Variants in TMC5 observed in about 807,000 individuals in gnomAD.
TMC5 encodes transmembrane channel like 5, also known as transmembrane channel-like protein 5.
Under a neutral mutation model 110.5 loss-of-function variants are expected in TMC5, and 86 were observed. That is an observed-to-expected ratio of 0.78 (90% confidence interval 0.65 to 0.93). The LOEUF is 0.93. Ranked by LOEUF, TMC5 falls within the 40% of genes least tolerant of loss-of-function variation. TMC5 has a pLI of 0.00. For synonymous variants in TMC5, 455 were observed against 439.5 expected (o/e 1.04, Z -0.44); for missense variants, 1,144 against 1,222.8 (o/e 0.94, Z 0.96).
chr16:19,479,465 G>T lies in TMC5; in HGVS notation c.2204G>T (p.Arg735Leu). ...WETLIGQDIY[R>L]LLLMDFVFSL... ...ACCCTCATTGGCCAGGACATCTACC[G>T]GCTCCTTCTGATGGATTTTGTGTTC... Residue 735 changes from arginine to leucine, a missense_variant, in exon 14 of 22, where the codon CGG becomes CTG. By Grantham distance (102) the Arg-to-Leu change is moderately radical (BLOSUM62 -2). Coordinates refer to ENST00000542583, the MANE Select transcript of TMC5 (RefSeq NM_001261841.2). 1 of 1,614,006 alleles carries T rather than the reference G, an allele frequency of 6.2e-7. No individual in the cohort carries two copies. Among genetic ancestry groups the T allele is most frequent in the Non-Finnish European group, 8.5e-7 (1 of 1,179,976 alleles).
At chr16:19,492,915 G>GATAGATAGATATATATATATATATATAT (rs58561457) in intron 19 of TMC5, among the ~76,000 whole-genome samples, 1 of 42,750 alleles carries the variant, frequency 2.3e-5, no homozygotes, top group African/African-American at 5.4e-5. Context: ...TTAAAACTTA[G>GATAGATAGATATATATATATATATATAT]ATATATATAT....
chr16:19,486,080 A>T (rs766098622), intron 15 of TMC5, among the ~76,000 whole-genome samples: 12 of 152,180 alleles, frequency 7.9e-5, no homozygotes, highest in Non-Finnish European at 1.8e-4. Flanking sequence ...AGCTGAGGAT[A>T]CTGGGTATGG....
rs772061565 is a variant in TMC5 at position 19,411,005 on chromosome 16, G to C, written c.-479G>C. 7 of 152,448 alleles carry C rather than the reference G, an allele frequency of 4.6e-5. No homozygotes were observed. In the East Asian group the frequency reaches 5.8e-4, roughly 13 times the overall value. The allele number at this position is 152,448 out of a possible 1,614,324, so 9.4% of individuals were successfully genotyped here. Reference sequence around the variant, plus strand: ...CGCCGGAATTGGGGAGCACGTGGAGGGGGCAGCGGCTCCAGCCCCAGACCG... The same window carrying C: ...CGCCGGAATTGGGGAGCACGTGGAGCGGGCAGCGGCTCCAGCCCCAGACCG... On this transcript the variant is annotated 5_prime_UTR_variant, in exon 1 of 21. Coordinates refer to the TMC5 transcript ENST00000381414.
intron 1 of TMC5, among the ~76,000 whole-genome samples, chr16:19,423,637 T>C (rs1967030807): frequency 1.3e-5 from 2 of 152,240 alleles, no homozygotes; most frequent in Non-Finnish European, 2.9e-5. Flanking sequence ...AAAAGTTTTT[T>C]CCCACTGTAC....
intron 18 of TMC5, among the ~76,000 whole-genome samples, chr16:19,491,567 G>C (rs1165422642): frequency 1.1e-4 from 15 of 132,066 alleles, no homozygotes; most frequent in Admixed American, 8.0e-4. Context: ...ACAGAGTCTC[G>C]CACTGTCACC....
Position 19,442,898 on chromosome 16 carries a change from G to C in TMC5, c.789-1183G>C, listed in dbSNP as rs2143477776. 2.0e-5 allele frequency among the ~76,000 whole-genome samples: 3 copies of C among 152,294 alleles called. No individual in the cohort carries two copies. In the South Asian group the frequency reaches 6.2e-4, roughly 32 times the overall value. On this transcript the variant is annotated intron_variant, in intron 3 of 21. Coordinates refer to ENST00000542583, the MANE Select transcript of TMC5 (RefSeq NM_001261841.2). ...TCCTTGGTCTTATCACCCACTGCCT[G>C]ATTCATCATTCCAAAGCCCACCTTT...
At chr16:19,456,527 T>C in intron 5 of TMC5, 1 of 1,381,286 alleles carries the variant, frequency 7.2e-7, no homozygotes, top group Non-Finnish European at 9.4e-7. Flanking sequence ...TATGTTGTGA[T>C]TTGTGTAGGG....
chr16:19,456,511 G>A, intron 5 of TMC5: 4 of 1,329,694 alleles, frequency 3.0e-6, no homozygotes, highest in Non-Finnish European at 1.9e-6. Flanking sequence ...GTTAGATGCA[G>A]GGAGTTATGT....
intron 12 of TMC5, among the ~76,000 whole-genome samples, chr16:19,476,541 A>G (rs1337666965): frequency 6.6e-6 from 1 of 152,158 alleles, no homozygotes. Flanking sequence ...ATAAAATACC[A>G]TCTACTAGAT....
Position 19,449,579 on chromosome 16 carries a change from T to C in TMC5, c.996T>C (p.His332=). 5.6e-6 allele frequency: 9 copies of C among 1,614,184 alleles called. No individual in the cohort carries two copies. Among genetic ancestry groups the C allele is most frequent in the Non-Finnish European group, 7.6e-6 (9 of 1,180,038 alleles). ...PAYVGESGPV[H]AYGNPPLSEC... ...ATGTAGGTGAAAGTGGTCCTGTCCA[T>C]GCTTATGGAAACCCACCATTGTCTG... Residue 332 remains histidine, a synonymous_variant, in exon 5 of 22, where the codon CAT becomes CAC. Transcript: ENST00000542583.
chr16:19,475,716 A>G (rs936117668), intron 12 of TMC5, among the ~76,000 whole-genome samples: 1 of 148,934 alleles, frequency 6.7e-6, no homozygotes, highest in South Asian at 2.1e-4. Context: ...TTCAAACATC[A>G]CCCTCGTGTT....
chr16:19,494,130 T>C, intron 19 of TMC5, 132 bp from the exon 20 acceptor site: 1 of 692,292 alleles, frequency 1.4e-6, no homozygotes, highest in Non-Finnish European at 2.5e-6. Context: ...AAGATGGCAG[T>C]AACCTCCATC....
At chr16:19,471,106 C>T (rs577837668) in intron 10 of TMC5, among the ~76,000 whole-genome samples, 3 of 151,028 alleles carry the variant, frequency 2.0e-5, no homozygotes, top group South Asian at 4.2e-4. Flanking sequence ...TTATGATTTT[C>T]GAGACAAGGT....
At chr16:19,434,937 A>AG (rs1967307675) in intron 2 of TMC5, among the ~76,000 whole-genome samples, 1 of 152,128 alleles carries the variant, frequency 6.6e-6, no homozygotes. Context: ...TCTGACACCA[A>AG]GGGCTGGGTT....
chr16:19,414,100 G>A (rs1479579899), upstream of TMC5, among the ~76,000 whole-genome samples: 1 of 152,164 alleles, frequency 6.6e-6, no homozygotes, highest in Non-Finnish European at 1.5e-5. Context: ...TATCCTTCCT[G>A]TTCCAGCGTC....
At chr16:19,497,852 G>T (rs554319242) in intron 21 of TMC5, 68 bp from the exon 22 acceptor site, 1 of 1,447,388 alleles carries the variant, frequency 6.9e-7, no homozygotes, top group Non-Finnish European at 9.6e-7. Context: ...AAGGCAAGCT[G>T]GTCTTTCCCT....
At position 19,449,398 on chromosome 16, in the gene TMC5, T is replaced by G. The variant is rs542160559; in HGVS notation, c.959-144T>G. 17 of 671,076 alleles carry G rather than the reference T, an allele frequency of 2.5e-5. No homozygotes were observed. The African/African-American group carries it at 2.7e-4, about 11-fold the overall frequency. The allele number at this position is 671,076 out of a possible 1,614,324, so 41.6% of individuals were successfully genotyped here. On this transcript the variant is annotated intron_variant, in intron 4 of 21. Transcript: ENST00000542583. ...TCCTAGTTTCCACCCAAGTTCTTAA[T>G]CAGTAGTCTGTTAGAACCTCAAAGA...
chr16:19,486,134 G>A (rs1040496936), intron 15 of TMC5, among the ~76,000 whole-genome samples: 34 of 152,304 alleles, frequency 2.2e-4, no homozygotes, highest in African/African-American at 7.9e-4. Flanking sequence ...GGCCCCCTCT[G>A]TGTTCGTTTG....
At chr16:19,433,988 T>TTA (rs570214887) in intron 2 of TMC5, among the ~76,000 whole-genome samples, 8 of 122,634 alleles carry the variant, frequency 6.5e-5, no homozygotes, top group East Asian at 4.3e-4. Flanking sequence ...CCCAGCTAAT[T>TTA]TATATATATA....
Sources: gnomAD v4.1 joint callset for allele counts (sites outside exome capture counted in the v4.1 genomes callset) on GRCh38, gnomAD v4.1.1 for gene constraint, MANE v1.5 for transcripts, NCBI Gene and HGNC (gene_info 2026-07-23, HGNC 2026-07-21) for gene names.